The following CNBD1 variants were observed in gnomAD, a reference collection of about 807,000 sequenced individuals.
The protein encoded by CNBD1 is cyclic nucleotide binding domain containing 1, also known as cyclic nucleotide-binding domain-containing protein 1.
In CNBD1, 71 loss-of-function variants were observed where a neutral mutation model predicts 54.4. The ratio of observed to expected loss-of-function variants is 1.30; its 90% CI spans 1.08 to 1.59. The LOEUF (loss-of-function observed/expected upper bound fraction) is 1.59. CNBD1 is among the 40% of genes most tolerant of loss of function. The pLI is 0.00. For missense variants in CNBD1, 659 were observed against 518.0 expected, an observed-to-expected ratio of 1.27 and a Z score of -2.64; for synonymous variants, 182 against 170.7, an observed-to-expected ratio of 1.07 and a Z score of -0.51.
chr8:87,284,411 T>A (rs13439583), intron 6 of CNBD1, among the ~76,000 whole-genome samples: 42,769 of 151,982 alleles, frequency 0.28, 6,469 homozygotes, highest in African/African-American at 0.39. Context: ...GGCTGCTATA[T>A]TCCAAGCACT....
At chr8:86,930,342 G>A (rs1157987588) in intron 3 of CNBD1, among the ~76,000 whole-genome samples, 4 of 152,148 alleles carry the variant, frequency 2.6e-5, no homozygotes, top group East Asian at 1.9e-4. Context: ...AGCTAGAAAG[G>A]TCAAGAGATC....
intron 4 of CNBD1, among the ~76,000 whole-genome samples, chr8:87,121,770 G>C (rs906682845): frequency 2.0e-5 from 3 of 151,574 alleles, no homozygotes; most frequent in African/African-American, 4.8e-5. Flanking sequence ...TGTGGTATCT[G>C]TCTTTCTGTG....
intron 4 of CNBD1, among the ~76,000 whole-genome samples, chr8:87,128,336 G>A (rs1236452629): frequency 6.6e-6 from 1 of 152,184 alleles, no homozygotes; most frequent in Non-Finnish European, 1.5e-5. Context: ...AACCCTGGAT[G>A]CTGCCATAGG....
chr8:87,012,444 A>G (rs1336404801), intron 4 of CNBD1, among the ~76,000 whole-genome samples: 1 of 152,154 alleles, frequency 6.6e-6, no homozygotes, highest in Non-Finnish European at 1.5e-5. Context: ...CAAGGAAAAA[A>G]ATATTTAACC....
chr8:87,121,558 G>A (rs1392132622), intron 4 of CNBD1, among the ~76,000 whole-genome samples: 1 of 151,554 alleles, frequency 6.6e-6, no homozygotes, highest in Non-Finnish European at 1.5e-5. Context: ...TAGTTATTTT[G>A]AAATATACAT....
chr8:87,364,506 T>C (rs1810597749), intron 10 of CNBD1, among the ~76,000 whole-genome samples: 1 of 151,478 alleles, frequency 6.6e-6, no homozygotes, highest in South Asian at 2.1e-4. Flanking sequence ...AAATTTTATT[T>C]TATGTTCAGA....
intron 3 of CNBD1, among the ~76,000 whole-genome samples, chr8:86,933,914 T>C (rs1309445827): frequency 6.6e-6 from 1 of 152,156 alleles, no homozygotes; most frequent in Non-Finnish European, 1.5e-5. Context: ...TTATCTGGAA[T>C]AAAAATTAAT....
chr8:87,085,621 G>C (rs575388227), intron 4 of CNBD1, among the ~76,000 whole-genome samples: 1 of 152,120 alleles, frequency 6.6e-6, no homozygotes, highest in Admixed American at 6.5e-5. Flanking sequence ...CAGCTGAGTA[G>C]CAAGTTTTCC....
At chr8:87,377,971 A>G (rs1247205700) in intron 10 of CNBD1, among the ~76,000 whole-genome samples, 1 of 141,508 alleles carries the variant, frequency 7.1e-6, no homozygotes, top group African/African-American at 2.7e-5. Context: ...GTGTCTGTTC[A>G]TGTCCTTTGC....
chr8:87,343,315 C>T (rs1295448293), intron 8 of CNBD1, among the ~76,000 whole-genome samples: 2 of 152,106 alleles, frequency 1.3e-5, no homozygotes, highest in South Asian at 4.1e-4. Context: ...ACAATTGGTA[C>T]AGTTAACACA....
chr8:87,322,651 G>T (rs1167712967), intron 8 of CNBD1, among the ~76,000 whole-genome samples: 1 of 84,146 alleles, frequency 1.2e-5, no homozygotes, highest in Middle Eastern at 6.7e-3. Flanking sequence ...TGATGGGGTT[G>T]TTTGTTTTTT....
chr8:86,966,679 G>T (rs1392668255), intron 4 of CNBD1, among the ~76,000 whole-genome samples: 2 of 152,228 alleles, frequency 1.3e-5, no homozygotes, highest in Non-Finnish European at 1.5e-5. Context: ...GGAGTTGTTA[G>T]TTCCTCCGGA....
intron 4 of CNBD1, among the ~76,000 whole-genome samples, chr8:86,969,200 C>T (rs1009187066): frequency 2.0e-4 from 31 of 151,898 alleles, no homozygotes; most frequent in Admixed American, 6.6e-4. Context: ...GTTATGTTTG[C>T]TTTATGTTAA....
At chr8:87,130,150 G>T (rs553893845) in intron 4 of CNBD1, among the ~76,000 whole-genome samples, 1 of 152,008 alleles carries the variant, frequency 6.6e-6, no homozygotes, top group East Asian at 1.9e-4. Flanking sequence ...GATGAGATTT[G>T]GTGGGGACAC....
chr8:87,264,106 C>T (rs1412668429), intron 6 of CNBD1, among the ~76,000 whole-genome samples: 1 of 152,088 alleles, frequency 6.6e-6, no homozygotes, highest in Admixed American at 6.5e-5. Flanking sequence ...ATTAACTCGT[C>T]ATTTAACATT....
At chr8:87,345,241 G>T (rs1345011798) in intron 8 of CNBD1, among the ~76,000 whole-genome samples, 1 of 152,108 alleles carries the variant, frequency 6.6e-6, no homozygotes, top group Non-Finnish European at 1.5e-5. Context: ...TGTGTATTTA[G>T]ATTCAACATA....
rs574178234 is a variant in CNBD1 at position 87,341,148 on chromosome 8, T to C, written c.1043-10537T>C. On this transcript the variant is annotated intron_variant, in intron 8 of 10. Coordinates refer to ENST00000518476, the MANE Select transcript of CNBD1 (RefSeq NM_173538.3). ...TGTAAATTTCTAATTCAAGATATTT[T>C]CTATTTTTGGTTTTTCCCCTTAGGC... 1.4e-4 allele frequency among the ~76,000 whole-genome samples: 21 copies of C among 152,300 alleles called. No individual in the cohort carries two copies. The South Asian group carries it at 4.4e-3, about 32-fold the overall frequency.
At chr8:86,887,485 C>T (rs1586112357) in intron 1 of CNBD1, 57 bp from the exon 2 acceptor site, 1 of 1,078,966 alleles carries the variant, frequency 9.3e-7, no homozygotes, top group South Asian at 1.4e-5. Flanking sequence ...TCTATTTACA[C>T]ACTTGCTTAA....
intron 6 of CNBD1, among the ~76,000 whole-genome samples, chr8:87,252,421 A>G (rs1246570354): frequency 6.6e-6 from 1 of 152,130 alleles, no homozygotes; most frequent in Non-Finnish European, 1.5e-5. Flanking sequence ...AGACAATTTC[A>G]TATCTACACT....
Sources: gnomAD v4.1 joint callset for allele counts (sites outside exome capture counted in the v4.1 genomes callset) on GRCh38, gnomAD v4.1.1 for gene constraint, MANE v1.5 for transcripts, NCBI Gene and HGNC (gene_info 2026-07-23, HGNC 2026-07-21) for gene names.